Variants in CNTN4 observed in about 807,000 individuals in gnomAD.
CNTN4 encodes contactin 4.
A neutral mutation model predicts 122.5 loss-of-function variants in CNTN4; 77 were observed. The ratio of observed to expected loss-of-function variants is 0.63; its 90% CI spans 0.52 to 0.76. The LOEUF (loss-of-function observed/expected upper bound fraction) is 0.76, where lower values mean the gene tolerates loss of function less well. Ranked by LOEUF, CNTN4 falls within the 30% of genes least tolerant of loss-of-function variation. The probability of loss-of-function intolerance (pLI) is 0.00; values close to 1 mark genes in which losing one functional copy is unlikely to be tolerated. For synonymous variants in CNTN4, 512 were observed against 447.0 expected, an observed-to-expected ratio of 1.15 and a Z score of -1.83; for missense variants, 1,256 against 1,259.1, an observed-to-expected ratio of 1.00 and a Z score of 0.04.
At chr3:2,557,061 C>T (rs1204176333) in intron 3 of CNTN4, among the ~76,000 whole-genome samples, 2 of 152,148 alleles carry the variant, frequency 1.3e-5, no homozygotes, top group Admixed American at 6.5e-5. Flanking sequence ...TTGTCCTTTG[C>T]CAGATCTCTG....
chr3:2,971,744 A>T (rs903712320), intron 13 of CNTN4, among the ~76,000 whole-genome samples: 7 of 152,198 alleles, frequency 4.6e-5, no homozygotes, highest in Non-Finnish European at 1.0e-4. Context: ...TCTTCTAGTG[A>T]CTTTTAAGAT....
intron 18 of CNTN4, among the ~76,000 whole-genome samples, chr3:3,038,446 C>G (rs2125738399): frequency 6.6e-6 from 1 of 152,306 alleles, no homozygotes; most frequent in Non-Finnish European, 1.5e-5. Flanking sequence ...TACTCCGGAA[C>G]GCCCCCCGCT....
intron 2 of CNTN4, chr3:2,110,568 C>G (rs1311046311): frequency 6.6e-6 from 1 of 152,202 alleles, no homozygotes; most frequent in Admixed American, 6.5e-5. Context: ...TTCAGATTGT[C>G]ATATTATAAT....
At chr3:2,309,570 C>G (rs1318303731) in intron 2 of CNTN4, among the ~76,000 whole-genome samples, 1 of 152,074 alleles carries the variant, frequency 6.6e-6, no homozygotes, top group Non-Finnish European at 1.5e-5. Flanking sequence ...TCCCTGCAGT[C>G]CAGGCCTTCA....
intron 4 of CNTN4, among the ~76,000 whole-genome samples, chr3:2,731,554 A>T (rs745386252): frequency 6.6e-6 from 1 of 152,146 alleles, no homozygotes; most frequent in Non-Finnish European, 1.5e-5. Context: ...GCTCTTGGCA[A>T]TCTTACTGCT....
intron 21 of CNTN4, 35 bp from the exon 22 acceptor site, chr3:3,042,942 T>C: frequency 6.4e-7 from 1 of 1,559,562 alleles, no homozygotes; most frequent in East Asian, 2.2e-5. Flanking sequence ...CCCCATTGGG[T>C]ATGGTTTCCA....
At chr3:2,616,870 G>A (rs993525077) in intron 4 of CNTN4, among the ~76,000 whole-genome samples, 1 of 152,030 alleles carries the variant, frequency 6.6e-6, no homozygotes, top group Non-Finnish European at 1.5e-5. Flanking sequence ...CAACAAACCT[G>A]ACAAAAACAA....
chr3:2,676,842 G>C (rs1461099784), intron 4 of CNTN4, among the ~76,000 whole-genome samples: 1 of 152,192 alleles, frequency 6.6e-6, no homozygotes, highest in African/African-American at 2.4e-5. Context: ...TTATTAGAGA[G>C]CATGTATCAT....
intron 13 of CNTN4, among the ~76,000 whole-genome samples, chr3:2,932,143 C>T (rs146227956): frequency 0.047 from 7,108 of 152,014 alleles, 593 homozygotes; most frequent in African/African-American, 0.16. Context: ...TTTGGGACGT[C>T]GAGGCAGGCG....
chr3:3,037,518 A>T lies in CNTN4; in HGVS notation c.2092+190A>T. On this transcript the variant is annotated intron_variant, in intron 18 of 24. Transcript: ENST00000418658. The stretch of plus-strand genomic sequence containing the variant: ...GAACACGCAACGGGTTTCAATCAAG[A>T]GTTGTTTTCTTCATTAGGTCCACTT... The T allele has an allele frequency of 6.7e-6, 5 of 745,120 alleles. No homozygotes were observed. In the South Asian group the frequency reaches 7.8e-5, roughly 12 times the overall value. 46.2% of individuals were successfully genotyped at this position (745,120 alleles called of 1,614,324 possible). A position where few individuals can be genotyped will look rare whatever the true frequency, so the allele number is the denominator to read the frequency against.
intron 3 of CNTN4, among the ~76,000 whole-genome samples, chr3:2,500,201 A>G (rs1002643106): frequency 6.6e-6 from 1 of 152,098 alleles, no homozygotes; most frequent in African/African-American, 2.4e-5. Context: ...CCCCTGAATA[A>G]TACCAGGAGT....
intron 8 of CNTN4, among the ~76,000 whole-genome samples, chr3:2,872,886 A>C (rs1577112367): frequency 6.6e-6 from 1 of 152,184 alleles, no homozygotes; most frequent in Non-Finnish European, 1.5e-5. Flanking sequence ...GTATGTTCTC[A>C]AATATAACTG....
At chr3:2,340,706 T>TAGAGAGAG (rs1176854234) in intron 3 of CNTN4, among the ~76,000 whole-genome samples, 12 of 24,074 alleles carry the variant, frequency 5.0e-4, no homozygotes, top group African/African-American at 7.0e-4. Flanking sequence ...TATATATATA[T>TAGAGAGAG]ATATAGAGAG....
At chr3:2,504,848 C>T (rs2076691155) in intron 3 of CNTN4, among the ~76,000 whole-genome samples, 1 of 152,044 alleles carries the variant, frequency 6.6e-6, no homozygotes, top group Non-Finnish European at 1.5e-5. Context: ...TGGGGATAGG[C>T]TCTTTAAAAA....
chr3:2,116,812 A>C (rs2033386137), intron 2 of CNTN4, among the ~76,000 whole-genome samples: 1 of 152,160 alleles, frequency 6.6e-6, no homozygotes, highest in Admixed American at 6.5e-5. Flanking sequence ...CTAATGTTGC[A>C]GATTTCAGCC....
intron 4 of CNTN4, among the ~76,000 whole-genome samples, chr3:2,663,858 A>G (rs1295459312): frequency 6.6e-6 from 1 of 152,240 alleles, no homozygotes. Flanking sequence ...AACAAAGATG[A>G]ACCTTGAAAA....
At chr3:2,942,896 A>G (rs2094630136) in intron 13 of CNTN4, among the ~76,000 whole-genome samples, 1 of 152,296 alleles carries the variant, frequency 6.6e-6, no homozygotes, top group African/African-American at 2.4e-5. Flanking sequence ...TCAGGGAGCA[A>G]AAACTTCGGA....
chr3:2,135,795 T>C (rs895839048), intron 2 of CNTN4, among the ~76,000 whole-genome samples: 1 of 152,196 alleles, frequency 6.6e-6, no homozygotes, highest in African/African-American at 2.4e-5. Context: ...GGGGTTACCA[T>C]AAGTATGGAA....
At chr3:2,241,063 T>G (rs1166137618) in intron 2 of CNTN4, among the ~76,000 whole-genome samples, 1 of 152,144 alleles carries the variant, frequency 6.6e-6, no homozygotes, top group African/African-American at 2.4e-5. Context: ...TATGTAAATG[T>G]GTTACTCCCC....
Sources: gnomAD v4.1 joint callset for allele counts (sites outside exome capture counted in the v4.1 genomes callset) on GRCh38, gnomAD v4.1.1 for gene constraint, MANE v1.5 for transcripts, NCBI Gene and HGNC (gene_info 2026-07-23, HGNC 2026-07-21) for gene names.